CLEC16A: variants seen among roughly 807,000 people sequenced by gnomAD.
The protein encoded by CLEC16A is protein CLEC16A.
Under a neutral mutation model 109.5 loss-of-function variants are expected in CLEC16A, and 51 were observed. That is an observed-to-expected ratio of 0.47 (90% CI 0.37 to 0.59). The LOEUF is 0.59. CLEC16A is among the 20% of genes least tolerant of loss of function. The pLI, the probability that CLEC16A is intolerant of heterozygous loss-of-function variation, is 0.00. For synonymous variants in CLEC16A, 673 were observed against 564.2 expected (o/e 1.19, Z -2.73); for missense variants, 1,339 against 1,394.0 (o/e 0.96, Z 0.63).
At chr16:11,175,891 C>T (rs1411660899) in intron 23 of CLEC16A, among the ~76,000 whole-genome samples, 2 of 152,194 alleles carry the variant, frequency 1.3e-5, no homozygotes, top group African/African-American at 4.8e-5. Flanking sequence ...CATGCAAATG[C>T]AGACTTGAGC....
At chr16:11,156,431 G>C (rs1028072147) in intron 22 of CLEC16A, 4 of 323,420 alleles carry the variant, frequency 1.2e-5, no homozygotes, top group East Asian at 8.7e-5. Flanking sequence ...ACCTTGGGGG[G>C]CCATCCTTTG....
Position 11,051,626 on chromosome 16 carries a change from G to A in CLEC16A, c.1980G>A (p.Val660=). Residue 660 remains valine (V), a synonymous_variant, in exon 18 of 24, where the codon GTG becomes GTA. Transcript: ENST00000409790. ...DFVKRLPCGD[V]EKTRRAIRVF... is the part of the protein sequence containing the mutation. ...TGAAGCGGCTGCCGTGTGGCGATGT[G>A]GAGAAGACCCGGCGGGTGAGTGAGC... 1 of 1,614,002 alleles carries A rather than the reference G, an allele frequency of 6.2e-7. No homozygotes were observed. The highest frequency in any genetic ancestry group is 8.5e-7 in the Non-Finnish European group (1 of 1,179,852).
chr16:10,982,525 C>T (rs1337929564), intron 9 of CLEC16A, among the ~76,000 whole-genome samples: 4 of 152,190 alleles, frequency 2.6e-5, no homozygotes, highest in Non-Finnish European at 5.9e-5. Flanking sequence ...AAATTTGACA[C>T]TAAAATGCCC....
Position 10,944,694 on chromosome 16 carries a change from G to T in CLEC16A, c.-24G>T, listed in dbSNP as rs755687178. 13 of 1,593,542 alleles carry T rather than the reference G, an allele frequency of 8.2e-6. No homozygotes were observed. Among genetic ancestry groups the T allele is most frequent in the Non-Finnish European group, 1.1e-5 (13 of 1,170,040 alleles). On this transcript the variant is annotated 5_prime_UTR_variant, in exon 1 of 24. Coordinates refer to ENST00000409790, the MANE Select transcript of CLEC16A (RefSeq NM_015226.3). ...CTGGTCCGGCATGAGACCGTGAGACGAGAGACGGGTCGGGGCCGCCGACAT... is the reference window on the plus strand; with the variant it reads ...CTGGTCCGGCATGAGACCGTGAGACTAGAGACGGGTCGGGGCCGCCGACAT...
chr16:11,008,923 C>T (rs1020809404), intron 11 of CLEC16A, among the ~76,000 whole-genome samples: 13 of 151,820 alleles, frequency 8.6e-5, no homozygotes, highest in African/African-American at 1.9e-4. Flanking sequence ...GGCGTGAACC[C>T]GGGAGGCGGA....
At chr16:11,136,841 G>A (rs1007793188) in intron 22 of CLEC16A, among the ~76,000 whole-genome samples, 4 of 152,294 alleles carry the variant, frequency 2.6e-5, no homozygotes, top group Middle Eastern at 3.4e-3. Context: ...TTGGCACTGC[G>A]CCCATCTGAG....
chr16:10,955,803 A>G (rs567802992), intron 1 of CLEC16A, among the ~76,000 whole-genome samples: 1 of 152,282 alleles, frequency 6.6e-6, no homozygotes, highest in South Asian at 2.1e-4. Context: ...GCAGGGTGTC[A>G]GGCACATGGG....
At chr16:11,095,341 A>G (rs2050543579) in intron 19 of CLEC16A, among the ~76,000 whole-genome samples, 3 of 152,124 alleles carry the variant, frequency 2.0e-5, no homozygotes, top group Admixed American at 2.0e-4. Context: ...CTGGCACATC[A>G]TGTTCTGACT....
chr16:11,122,436 A>C (rs1703076386), intron 20 of CLEC16A, among the ~76,000 whole-genome samples: 1 of 152,200 alleles, frequency 6.6e-6, no homozygotes, highest in Non-Finnish European at 1.5e-5. Flanking sequence ...TCCCCTGAAG[A>C]ATTAATATGT....
chr16:11,160,013 A>G (rs2054665711), intron 22 of CLEC16A, among the ~76,000 whole-genome samples: 1 of 152,168 alleles, frequency 6.6e-6, no homozygotes, highest in South Asian at 2.1e-4. Flanking sequence ...GAGAATCCCC[A>G]AATTGAATTC....
At chr16:11,079,033 GT>G (rs2049552989) in intron 19 of CLEC16A, among the ~76,000 whole-genome samples, 1 of 152,268 alleles carries the variant, frequency 6.6e-6, no homozygotes, top group South Asian at 2.1e-4. Context: ...TGCGTAATAG[GT>G]TGGGCCTCCT....
chr16:11,060,742 A>G (rs974864343), intron 18 of CLEC16A, among the ~76,000 whole-genome samples, 160 bp from the exon 19 acceptor site: 14 of 151,544 alleles, frequency 9.2e-5, no homozygotes, highest in African/African-American at 2.9e-4. Flanking sequence ...CTGTCTTGTT[A>G]TAAAAGCACG....
chr16:11,010,708 CTAA>C (rs2045350978), intron 11 of CLEC16A, among the ~76,000 whole-genome samples: 1 of 152,144 alleles, frequency 6.6e-6, no homozygotes, highest in Non-Finnish European at 1.5e-5. Flanking sequence ...TTGTATTGGC[CTAA>C]TAATGTCTTT....
At chr16:11,036,544 C>CTTTTTTTTTTTTTTTTTTTTTTTT (rs71404440) in intron 13 of CLEC16A, among the ~76,000 whole-genome samples, 2 of 131,896 alleles carry the variant, frequency 1.5e-5, no homozygotes, top group African/African-American at 5.9e-5. Flanking sequence ...TCTAATTTTC[C>CTTTTTTTTTTTTTTTTTTTTTTTT]TTTTTTTTTT....
intron 22 of CLEC16A, among the ~76,000 whole-genome samples, chr16:11,140,375 A>T (rs751930165): frequency 2.0e-5 from 3 of 152,236 alleles, no homozygotes; most frequent in Non-Finnish European, 2.9e-5. Flanking sequence ...AACCCGGAAA[A>T]TGCTCTGAAA....
intron 19 of CLEC16A, among the ~76,000 whole-genome samples, chr16:11,077,489 A>G (rs2049443444): frequency 1.3e-5 from 2 of 149,508 alleles, no homozygotes; most frequent in Non-Finnish European, 3.0e-5. Context: ...AAAAAAAAAA[A>G]GAAAGAAAAG....
intron 10 of CLEC16A, among the ~76,000 whole-genome samples, chr16:10,999,961 C>T (rs945024214): frequency 6.6e-6 from 1 of 152,134 alleles, no homozygotes; most frequent in Non-Finnish European, 1.5e-5. Flanking sequence ...CTCAGCCTCC[C>T]GAGTAGTTGG....
At chr16:11,020,131 G>A in intron 11 of CLEC16A, 62 bp from the exon 12 acceptor site, 1 of 1,526,170 alleles carries the variant, frequency 6.6e-7, no homozygotes, top group Non-Finnish European at 8.8e-7. Flanking sequence ...ACATGAGCAT[G>A]TGTATAAATC....
intron 20 of CLEC16A, among the ~76,000 whole-genome samples, chr16:11,122,676 C>G (rs1424473152): frequency 6.6e-6 from 1 of 152,102 alleles, no homozygotes; most frequent in East Asian, 1.9e-4. Flanking sequence ...CAATGTTGTC[C>G]CCACCTCCTT....
Sources: allele counts gnomAD v4.1 joint callset (sites outside exome capture counted in the v4.1 genomes callset), GRCh38; gene constraint gnomAD v4.1.1; transcripts MANE v1.5; gene names NCBI Gene and HGNC (gene_info 2026-07-23, HGNC 2026-07-21).